Variants in CADM2 observed in about 807,000 individuals in gnomAD.
CADM2 encodes the protein cell adhesion molecule 2.
A neutral mutation model predicts 49.8 loss-of-function variants in CADM2; 12 were observed. That is an observed-to-expected ratio of 0.24 (90% CI 0.15 to 0.39). The LOEUF is 0.39. Ranked by LOEUF, CADM2 falls within the 10% of genes least tolerant of loss-of-function variation. The probability of loss-of-function intolerance (pLI) is 1.00; values close to 1 mark genes in which losing one functional copy is unlikely to be tolerated. For missense variants in CADM2, 378 were observed against 492.3 expected, an observed-to-expected ratio of 0.77 and a Z score of 2.20; for synonymous variants, 214 against 175.4, an observed-to-expected ratio of 1.22 and a Z score of -1.74.
chr3:85,107,562 TTC>T (rs1361221379), intron 1 of CADM2, among the ~76,000 whole-genome samples: 2 of 123,600 alleles, frequency 1.6e-5, no homozygotes, highest in Non-Finnish European at 4.2e-5. Context: ...TCTTTCTTTC[TTC>T]TCTCTTTCTC....
chr3:85,458,736 C>T (rs1042477937), intron 1 of CADM2, among the ~76,000 whole-genome samples: 1 of 152,074 alleles, frequency 6.6e-6, no homozygotes, highest in South Asian at 2.1e-4. Context: ...TCCTCTTTAA[C>T]CAGGGCAACA....
chr3:85,754,032 C>T (rs2068983465), intron 2 of CADM2, among the ~76,000 whole-genome samples: 1 of 152,296 alleles, frequency 6.6e-6, no homozygotes, highest in East Asian at 1.9e-4. Flanking sequence ...GGGCTGTCTG[C>T]ATACGCAGTG....
intron 1 of CADM2, among the ~76,000 whole-genome samples, chr3:85,366,074 A>C (rs1168763653): frequency 6.6e-6 from 1 of 152,204 alleles, no homozygotes; most frequent in Non-Finnish European, 1.5e-5. Flanking sequence ...TAAATACTTA[A>C]TGATTTAGTT....
intron 1 of CADM2, among the ~76,000 whole-genome samples, chr3:85,513,535 A>C (rs1040272932): frequency 6.6e-6 from 1 of 152,026 alleles, no homozygotes; most frequent in Non-Finnish European, 1.5e-5. Flanking sequence ...GCTTTTACCC[A>C]AACAAGTAAA....
intron 1 of CADM2, among the ~76,000 whole-genome samples, chr3:85,074,504 G>A: frequency 6.6e-6 from 1 of 151,984 alleles, no homozygotes; most frequent in East Asian, 1.9e-4. Context: ...TTGAAGTTGT[G>A]ACAACTTTTT....
At chr3:85,282,144 C>G (rs997175986) in intron 1 of CADM2, among the ~76,000 whole-genome samples, 2 of 150,404 alleles carry the variant, frequency 1.3e-5, no homozygotes, top group Middle Eastern at 3.6e-3. Context: ...ATTTTTACTA[C>G]AAAATATTGA....
intron 1 of CADM2, among the ~76,000 whole-genome samples, chr3:85,417,373 C>G (rs542341721): frequency 6.6e-6 from 1 of 152,300 alleles, no homozygotes; most frequent in South Asian, 2.1e-4. Flanking sequence ...CTGCACACAA[C>G]TCACTCATAT....
chr3:85,872,859 T>A (rs749717582), intron 3 of CADM2, among the ~76,000 whole-genome samples: 9 of 152,154 alleles, frequency 5.9e-5, no homozygotes, highest in Non-Finnish European at 1.3e-4. Context: ...ACTTCTTTTT[T>A]GTGCCTTTTG....
chr3:85,162,062 T>A (rs1031809165), intron 1 of CADM2, among the ~76,000 whole-genome samples: 5 of 152,054 alleles, frequency 3.3e-5, no homozygotes, highest in Non-Finnish European at 5.9e-5. Context: ...CTTTGTCTTT[T>A]AACCGTCAGT....
chr3:85,901,661 T>A (rs530294665), intron 5 of CADM2, among the ~76,000 whole-genome samples: 2 of 152,324 alleles, frequency 1.3e-5, no homozygotes, highest in South Asian at 4.1e-4. Context: ...TATTTAGATA[T>A]AATTCACATC....
chr3:85,742,798 G>T (rs1250772929), intron 2 of CADM2, among the ~76,000 whole-genome samples: 1 of 152,130 alleles, frequency 6.6e-6, no homozygotes, highest in East Asian at 1.9e-4. Flanking sequence ...CCATCTCTAG[G>T]ACACAAATAA....
At chr3:85,573,785 A>ACC (rs2062550987) in intron 1 of CADM2, among the ~76,000 whole-genome samples, 1 of 152,034 alleles carries the variant, frequency 6.6e-6, no homozygotes, top group African/African-American at 2.4e-5. Context: ...CTGCTTTACT[A>ACC]TTTTCAAAAT....
chr3:84,992,746 G>A (rs1462185998), intron 1 of CADM2, among the ~76,000 whole-genome samples: 1 of 152,128 alleles, frequency 6.6e-6, no homozygotes, highest in Non-Finnish European at 1.5e-5. Context: ...TAACTAGTAA[G>A]AGCATCTTTA....
intron 1 of CADM2, among the ~76,000 whole-genome samples, chr3:85,565,647 T>G (rs940688257): frequency 6.6e-6 from 1 of 152,068 alleles, no homozygotes; most frequent in African/African-American, 2.4e-5. Flanking sequence ...AATGCAAGTT[T>G]TAAATTATCA....
chr3:85,438,599 T>C (rs2037041870), intron 1 of CADM2, among the ~76,000 whole-genome samples: 1 of 152,116 alleles, frequency 6.6e-6, no homozygotes, highest in Admixed American at 6.6e-5. Flanking sequence ...AAATGTTTTA[T>C]TTTTATATGG....
chr3:85,256,192 CTCCCTGTGGACT>C (rs1431561721), intron 1 of CADM2, among the ~76,000 whole-genome samples: 1 of 152,046 alleles, frequency 6.6e-6, no homozygotes, highest in African/African-American at 2.4e-5. Context: ...AGCTTCCTCT[CTCCCTGTGGACT>C]TCTACTTCAC....
intron 1 of CADM2, among the ~76,000 whole-genome samples, chr3:85,723,594 C>T (rs2067585289): frequency 6.6e-6 from 1 of 152,080 alleles, no homozygotes; most frequent in Non-Finnish European, 1.5e-5. Context: ...CATACAGAAA[C>T]AGGCATAGAG....
chr3:85,806,167 C>T (rs768568019), intron 3 of CADM2, among the ~76,000 whole-genome samples: 7 of 101,498 alleles, frequency 6.9e-5, no homozygotes, highest in African/African-American at 1.5e-4. Context: ...AGAAAAGAAG[C>T]GAGGGAGGGA....
chr3:85,227,516 A>G (rs963965128), intron 1 of CADM2, among the ~76,000 whole-genome samples: 4 of 122,982 alleles, frequency 3.3e-5, no homozygotes, highest in African/African-American at 9.5e-5. Flanking sequence ...CTTTATTTTG[A>G]GCCTATGTAT....
Sources: gnomAD v4.1 joint callset for allele counts (sites outside exome capture counted in the v4.1 genomes callset) on GRCh38, gnomAD v4.1.1 for gene constraint, MANE v1.5 for transcripts, NCBI Gene and HGNC (gene_info 2026-07-23, HGNC 2026-07-21) for gene names.